PARP12: variants seen among roughly 807,000 people sequenced by gnomAD.
PARP12 encodes the protein protein mono-ADP-ribosyltransferase PARP12.
PARP12 carries 59 observed loss-of-function variants against 72.4 expected under a neutral mutation model. The ratio of observed to expected loss-of-function variants is 0.81; its 90% CI spans 0.66 to 1.01. The LOEUF (loss-of-function observed/expected upper bound fraction) is 1.01. Among genes scored for constraint, PARP12 ranks in the 50% least tolerant of loss-of-function variants. The probability of loss-of-function intolerance (pLI) is 0.00; values close to 1 mark genes in which losing one functional copy is unlikely to be tolerated. For missense variants in PARP12, 851 were observed against 914.0 expected, an observed-to-expected ratio of 0.93 and a Z score of 0.89; for synonymous variants, 403 against 371.4, an observed-to-expected ratio of 1.09 and a Z score of -0.98.
chr7:140,028,894 C>T, intron 8 of PARP12: 1 of 429,684 alleles, frequency 2.3e-6, no homozygotes, highest in East Asian at 5.2e-5. Flanking sequence ...AAACTCCAAA[C>T]AGTCCTGAGA....
intron 7 of PARP12, among the ~76,000 whole-genome samples, chr7:140,036,713 A>C (rs1019723138): frequency 3.3e-5 from 5 of 152,226 alleles, no homozygotes; most frequent in African/African-American, 9.6e-5. Flanking sequence ...GAACATTCAG[A>C]AGGACTCAGA....
chr7:140,035,936 G>GACA (rs1569526864), intron 7 of PARP12, among the ~76,000 whole-genome samples: 26 of 119,630 alleles, frequency 2.2e-4, no homozygotes, highest in African/African-American at 8.2e-4. Flanking sequence ...CAAGGAGGAG[G>GACA]AGGAGGAGGA....
intron 7 of PARP12, among the ~76,000 whole-genome samples, chr7:140,037,053 T>C (rs1196283603): frequency 6.6e-6 from 1 of 152,220 alleles, no homozygotes; most frequent in Non-Finnish European, 1.5e-5. Context: ...CCAGGCGCGG[T>C]GGCTCATGCC....
chr7:140,048,308 C>T (rs1816820157), intron 4 of PARP12, among the ~76,000 whole-genome samples: 1 of 152,146 alleles, frequency 6.6e-6, no homozygotes. Context: ...GCAGCCAGAT[C>T]CTCACTTCTC....
rs1183762542 is a variant in PARP12 at position 140,062,906 on chromosome 7, C to T, written c.-59G>A. On this transcript the variant is annotated 5_prime_UTR_variant, in exon 1 of 12. Coordinates refer to ENST00000263549, the MANE Select transcript of PARP12 (RefSeq NM_022750.4). ...GGCGCGACGCGGACGGCGGCGGACG[C>T]TGGCTGGCGGGCGGCTCTCGCAGGG... 2 of 1,206,630 alleles carry T rather than the reference C, an allele frequency of 1.7e-6. No individual in the cohort carries two copies. The highest frequency in any genetic ancestry group is 2.1e-6 in the Non-Finnish European group (2 of 968,460). 74.7% of individuals were successfully genotyped at this position (1,206,630 alleles called of 1,614,324 possible).
At chr7:140,052,009 TCTG>T (rs1816981521) in intron 4 of PARP12, among the ~76,000 whole-genome samples, 1 of 152,202 alleles carries the variant, frequency 6.6e-6, no homozygotes, top group African/African-American at 2.4e-5. Flanking sequence ...CCTGATCACT[TCTG>T]CTGTGACTGG....
intron 1 of PARP12, among the ~76,000 whole-genome samples, chr7:140,058,951 C>A (rs930356683): frequency 6.6e-6 from 1 of 151,728 alleles, no homozygotes; most frequent in Non-Finnish European, 1.5e-5. Flanking sequence ...CAAAATTAGC[C>A]GGGCGAGGTG....
chr7:140,057,103 A>C lies in PARP12; in HGVS notation c.513T>G (p.Phe171Leu). Residue 171 changes from phenylalanine (F) to leucine (L), a missense_variant, in exon 3 of 12, where the codon TTT becomes TTG. Physicochemically the swap from Phe to Leu is conservative, Grantham distance 22. Around this residue, in one of 3 missense-constraint regions of PARP12, gnomAD observed 492 missense variants for 489.3 expected, o/e 1.01. Transcript: ENST00000263549. ...TATGGAGCTTGATGCACTGCTTTTG[A>C]AAGGCACAAGAGCCGTGGGGTCCAT... ...KGDGPHGSCA[F>L]QKQCIKLHIC... is the part of the protein sequence containing the mutation. 6.2e-7 allele frequency: 1 copy of C among 1,614,170 alleles called. No homozygotes were observed. The highest frequency in any genetic ancestry group is 8.5e-7 in the Non-Finnish European group (1 of 1,180,044).
chr7:140,062,687 C>T lies in PARP12; in HGVS notation c.161G>A (p.Arg54Gln). ...CGGGGCCGCGGCTGCGCCGCCCGCC[C>T]GCACCGCCACCACGAAGCGCCCACG... Reference protein sequence around the residue: ...RQRGRFVVAVRAGGAAAAPER... With the variant: ...RQRGRFVVAVQAGGAAAAPER... Residue 54 changes from arginine (R) to glutamine (Q), a missense_variant, in exon 1 of 12, where the codon CGG (arginine) becomes CAG (glutamine). Arg to Gln is a conservative substitution (Grantham distance 43). Transcript: ENST00000263549. 7.7e-7 allele frequency: 1 copy of T among 1,291,196 alleles called. No homozygotes were observed. The highest frequency in any genetic ancestry group is 9.8e-7 in the Non-Finnish European group (1 of 1,018,018). 80.0% of individuals were successfully genotyped at this position (1,291,196 alleles called of 1,614,324 possible). A position where few individuals can be genotyped will look rare whatever the true frequency, so the allele number is the denominator to read the frequency against.
At chr7:140,032,679 G>A (rs1381338607) in intron 8 of PARP12, among the ~76,000 whole-genome samples, 1 of 152,120 alleles carries the variant, frequency 6.6e-6, no homozygotes, top group Non-Finnish European at 1.5e-5. Context: ...TGATTATCAT[G>A]ATCTATTTTT....
intron 4 of PARP12, among the ~76,000 whole-genome samples, chr7:140,047,273 G>C (rs914715667): frequency 6.6e-6 from 1 of 152,202 alleles, no homozygotes; most frequent in Non-Finnish European, 1.5e-5. Context: ...AGTATTGAGC[G>C]GTAAGGCCTT....
At chr7:140,029,136 C>T (rs1006590779) in intron 8 of PARP12, 2 of 153,298 alleles carry the variant, frequency 1.3e-5, no homozygotes, top group African/African-American at 4.8e-5. Context: ...TTTTGAAAAA[C>T]ATAAAAGTGA....
intron 5 of PARP12, among the ~76,000 whole-genome samples, chr7:140,044,304 T>C (rs1048304102): frequency 1.3e-5 from 2 of 152,224 alleles, no homozygotes; most frequent in Non-Finnish European, 2.9e-5. Flanking sequence ...TTTGCAGATA[T>C]AATCAAGTTA....
At chr7:140,039,134 G>A (rs556433053) in intron 6 of PARP12, among the ~76,000 whole-genome samples, 84 of 152,300 alleles carry the variant, frequency 5.5e-4, no homozygotes, top group African/African-American at 2.0e-3. Flanking sequence ...TCATAGCGGC[G>A]CCTAAGTTTC....
In PARP12 at chr7:140,033,261, G is replaced by A. The variant is rs971787632; in HGVS notation, c.1421+974C>T. 1.1e-4 allele frequency: 108 copies of A among 985,308 alleles called. No individual in the cohort carries two copies. The African/African-American group carries it at 1.8e-3, about 16-fold the overall frequency. 61.0% of individuals were successfully genotyped at this position (985,308 alleles called of 1,614,324 possible). Reference sequence around the variant, plus strand: ...CCCAGGAAATTACTTTGCTAGGTCTGACTCACAAGGCAGTTTCGTGGACTG... The same window carrying A: ...CCCAGGAAATTACTTTGCTAGGTCTAACTCACAAGGCAGTTTCGTGGACTG... On this transcript the variant is annotated intron_variant, in intron 8 of 11. Transcript: ENST00000263549.
chr7:140,044,475 G>C (rs1365496462), intron 5 of PARP12, among the ~76,000 whole-genome samples: 3 of 152,182 alleles, frequency 2.0e-5, no homozygotes, highest in Admixed American at 1.3e-4. Flanking sequence ...GGATTTCTAA[G>C]CATCAGAATC....
rs1815676629 is a variant in PARP12 at position 140,024,971 on chromosome 7, G to C, written c.1781-86C>G. 2.4e-6 allele frequency: 3 copies of C among 1,229,326 alleles called. No homozygotes were observed. The African/African-American group carries it at 4.5e-5, about 18-fold the overall frequency. 76.2% of individuals were successfully genotyped at this position (1,229,326 alleles called of 1,614,324 possible). On this transcript the variant is annotated intron_variant, in intron 11 of 11. Transcript: ENST00000263549. Reference sequence around the variant, plus strand: ...ACTGCGAATAGCGTCCTGGTGATGTGCAACGCCAGGGCCTCTACTCTTCCA... The same window carrying C: ...ACTGCGAATAGCGTCCTGGTGATGTCCAACGCCAGGGCCTCTACTCTTCCA...
chr7:140,044,969 G>T (rs548267949), intron 5 of PARP12, among the ~76,000 whole-genome samples: 2 of 151,504 alleles, frequency 1.3e-5, no homozygotes, highest in African/African-American at 4.9e-5. Flanking sequence ...AAAACAATAC[G>T]AATTTCTAAC....
At chr7:140,057,732 C>A in intron 2 of PARP12, 167 bp downstream of exon 2, 3 of 930,938 alleles carry the variant, frequency 3.2e-6, no homozygotes, top group Non-Finnish European at 4.7e-6. Flanking sequence ...GCAAAGCTGG[C>A]CCTTGAACTT....
Sources: gnomAD v4.1 joint callset for allele counts (sites outside exome capture counted in the v4.1 genomes callset) on GRCh38, gnomAD v4.1.1 for gene constraint, gnomAD v4.1.1 regional missense constraint, MANE v1.5 for transcripts, NCBI Gene and HGNC (gene_info 2026-07-23, HGNC 2026-07-21) for gene names.